The following CUX1 variants were observed in gnomAD, a reference collection of about 807,000 sequenced individuals.
CUX1 encodes protein CASP.
A neutral mutation model predicts 158.8 loss-of-function variants in CUX1; 31 were observed. The observed-to-expected ratio is 0.20, with a 90% CI of 0.15 to 0.26. CUX1 has a LOEUF of 0.26. CUX1 is among the 10% of genes least tolerant of loss of function. CUX1 has a pLI of 1.00. For missense variants in CUX1, 1,589 were observed against 2,014.6 expected (o/e 0.79, Z 4.04); for synonymous variants, 879 against 862.1 (o/e 1.02, Z -0.34).
At chr7:102,204,323 G>T in intron 18 of CUX1, 68 bp from the exon 19 acceptor site, 1 of 1,579,760 alleles carries the variant, frequency 6.3e-7, no homozygotes, top group Non-Finnish European at 8.6e-7. Context: ...GGTGTGCATT[G>T]CAGCAGCATC....
intron 10 of CUX1, among the ~76,000 whole-genome samples, chr7:102,177,723 TACTAA>T (rs1792539914): frequency 6.6e-6 from 1 of 152,092 alleles, no homozygotes; most frequent in Non-Finnish European, 1.5e-5. Flanking sequence ...CTGGCCATCT[TACTAA>T]ACCCCCTGCC....
intron 20 of CUX1, among the ~76,000 whole-genome samples, chr7:102,213,571 A>G (rs1346715756): frequency 1.3e-5 from 2 of 152,196 alleles, no homozygotes; most frequent in African/African-American, 4.8e-5. Flanking sequence ...TCCAGCTTGT[A>G]GACACATCCC....
At chr7:101,958,428 G>T (rs1474927974) in intron 2 of CUX1, among the ~76,000 whole-genome samples, 1 of 151,834 alleles carries the variant, frequency 6.6e-6, no homozygotes, top group Admixed American at 6.6e-5. Context: ...ACTTGGTTCA[G>T]TGGGAGGAGT....
In CUX1 at chr7:101,869,687, G is replaced by A. The variant is rs1798276159; in HGVS notation, c.31-46428G>A. 6.6e-6 allele frequency among the ~76,000 whole-genome samples: 1 copy of A among 152,168 alleles called. No homozygotes were observed. The highest frequency in any genetic ancestry group is 1.5e-5 in the Non-Finnish European group (1 of 68,014). The stretch of plus-strand genomic sequence containing the variant: ...TCCGTGTCCTCAGGACACCATGGAA[G>A]ACGGCAGGACACACGTGCGAGCCAC... On this transcript the variant is annotated intron_variant, in intron 1 of 23. Coordinates refer to ENST00000292535, the MANE Select transcript of CUX1 (RefSeq NM_181552.4). The surrounding 1 kb of genome is among the most constrained non-coding windows in gnomAD (Gnocchi z 4.5).
At chr7:102,160,236 A>T (rs1020655319) in intron 9 of CUX1, among the ~76,000 whole-genome samples, 1 of 151,150 alleles carries the variant, frequency 6.6e-6, no homozygotes, top group South Asian at 2.1e-4. Context: ...CACTATTCCT[A>T]TTTCTCAAGT....
At chr7:102,032,830 A>G (rs1235651432) in intron 3 of CUX1, among the ~76,000 whole-genome samples, 1 of 152,198 alleles carries the variant, frequency 6.6e-6, no homozygotes, top group Non-Finnish European at 1.5e-5. Flanking sequence ...CAGCAAATTG[A>G]TGGGTGGTGT....
intron 18 of CUX1, 95 bp from the exon 19 acceptor site, chr7:102,204,296 G>T: frequency 6.7e-7 from 1 of 1,498,672 alleles, no homozygotes; most frequent in Non-Finnish European, 9.1e-7. Context: ...AGCCCTAGAC[G>T]CGCCCTCTGC....
At chr7:101,952,838 G>T (rs1282738654) in intron 2 of CUX1, among the ~76,000 whole-genome samples, 6 of 152,234 alleles carry the variant, frequency 3.9e-5, no homozygotes, top group African/African-American at 1.4e-4. Context: ...CCTGCACTGG[G>T]TGTGCATAGG....
At chr7:102,046,618 C>G (rs1480335541) in intron 3 of CUX1, among the ~76,000 whole-genome samples, 1 of 135,528 alleles carries the variant, frequency 7.4e-6, no homozygotes, top group Non-Finnish European at 1.6e-5. Flanking sequence ...ACTCTGTCAC[C>G]CAGGCTGGAG....
intron 15 of CUX1, among the ~76,000 whole-genome samples, chr7:102,197,685 G>A (rs1173400050): frequency 6.6e-6 from 1 of 152,076 alleles, no homozygotes; most frequent in African/African-American, 2.4e-5. Context: ...GTCCCCTCCA[G>A]CCCCATAGCA....
chr7:101,933,958 C>T (rs960814546), intron 2 of CUX1, among the ~76,000 whole-genome samples: 3 of 152,136 alleles, frequency 2.0e-5, no homozygotes, highest in South Asian at 2.1e-4. Flanking sequence ...TTTTAAAAGC[C>T]GGAAAGACCA....
At chr7:101,897,222 C>A (rs967245754) in intron 1 of CUX1, among the ~76,000 whole-genome samples, 1 of 152,364 alleles carries the variant, frequency 6.6e-6, no homozygotes, top group Admixed American at 6.5e-5. Context: ...AGTTTTACGT[C>A]ATTTGCTATT....
chr7:102,187,590 C>T (rs1793768908), intron 11 of CUX1, among the ~76,000 whole-genome samples: 1 of 152,108 alleles, frequency 6.6e-6, no homozygotes, highest in South Asian at 2.1e-4. Flanking sequence ...CCTCTGTCTG[C>T]CTTATTCCCA....
At chr7:102,116,430 A>G (rs1831442728) in intron 8 of CUX1, among the ~76,000 whole-genome samples, 1 of 152,142 alleles carries the variant, frequency 6.6e-6, no homozygotes. Flanking sequence ...CTGATTAAGC[A>G]ACTTACTTAC....
chr7:101,843,108 C>T (rs1185554084), intron 1 of CUX1, among the ~76,000 whole-genome samples: 9 of 151,904 alleles, frequency 5.9e-5, no homozygotes, highest in African/African-American at 9.7e-5. Flanking sequence ...CCTCATGATC[C>T]GCCCATCTCA....
chr7:101,939,058 CATATATATATATATAT>C (rs58303224), intron 2 of CUX1, among the ~76,000 whole-genome samples: 1,002 of 52,514 alleles, frequency 0.019, 32 homozygotes, highest in Middle Eastern at 0.047. Context: ...AAAAAAAATA[CATATATATATATATAT>C]ATATATATAT....
At chr7:102,083,046 A>G (rs1827606192) in intron 4 of CUX1, among the ~76,000 whole-genome samples, 1 of 146,822 alleles carries the variant, frequency 6.8e-6, no homozygotes, top group Admixed American at 6.9e-5. Context: ...TTTTTTTATT[A>G]ATTTTTTTCA....
intron 12 of CUX1, among the ~76,000 whole-genome samples, chr7:102,191,496 G>A (rs1554516970): frequency 6.6e-6 from 1 of 152,120 alleles, no homozygotes. Flanking sequence ...GCCTCCCAAA[G>A]TGCCGGGATT....
chr7:102,249,889 C>A lies in CUX1; in HGVS notation c.*847C>A. On this transcript the variant is annotated 3_prime_UTR_variant, in exon 24 of 24. Transcript: ENST00000292535. ...TTTTAACAAAAAGAAAACGTCACATCAGGAAACTCTGATTTTGTGGTAGCT... is the reference window on the plus strand; with the variant it reads ...TTTTAACAAAAAGAAAACGTCACATAAGGAAACTCTGATTTTGTGGTAGCT... The A allele has an allele frequency of 1.0e-6, 1 of 985,672 alleles. No homozygotes were observed. Among genetic ancestry groups the A allele is most frequent in the Non-Finnish European group, 1.2e-6 (1 of 829,880 alleles). The allele number at this position is 985,672 out of a possible 1,614,324, so 61.1% of individuals were successfully genotyped here. A position where few individuals can be genotyped will look rare whatever the true frequency, so the allele number is the denominator to read the frequency against.
Sources: allele counts gnomAD v4.1 joint callset (sites outside exome capture counted in the v4.1 genomes callset), GRCh38; gene constraint gnomAD v4.1.1; non-coding constraint Gnocchi (gnomAD v3.1); transcripts MANE v1.5; gene names NCBI Gene and HGNC (gene_info 2026-07-23, HGNC 2026-07-21).